Variants in PDE3A observed in about 807,000 individuals in gnomAD.
The protein encoded by PDE3A is phosphodiesterase 3A.
Under a neutral mutation model 98.3 loss-of-function variants are expected in PDE3A, and 43 were observed. The ratio of observed to expected loss-of-function variants is 0.44; its 90% CI spans 0.34 to 0.56. The LOEUF is 0.56. Among genes scored for constraint, PDE3A ranks in the 20% least tolerant of loss-of-function variants. The pLI, the probability that PDE3A is intolerant of heterozygous loss-of-function variation, is 0.01. For synonymous variants in PDE3A, 663 were observed against 567.9 expected (o/e 1.17, Z -2.38); for missense variants, 1,427 against 1,440.7 (o/e 0.99, Z 0.15).
At chr12:20,510,681 T>G (rs1946204785) in intron 1 of PDE3A, among the ~76,000 whole-genome samples, 1 of 152,060 alleles carries the variant, frequency 6.6e-6, no homozygotes, top group Non-Finnish European at 1.5e-5. Flanking sequence ...GGGGTAGAGA[T>G]GAATGCTGTT....
At position 20,423,154 on chromosome 12, in the gene PDE3A, G is replaced by A. The variant is rs190281501; in HGVS notation, c.960+52910G>A. On this transcript the variant is annotated intron_variant, in intron 1 of 15. Coordinates refer to ENST00000359062, the MANE Select transcript of PDE3A (RefSeq NM_000921.5). ...ATATATTTATATAAAACATTTTAATGAAGAATACCTATTTATAAAATATCC... is the reference window on the plus strand; with the variant it reads ...ATATATTTATATAAAACATTTTAATAAAGAATACCTATTTATAAAATATCC... 7.4e-4 allele frequency among the ~76,000 whole-genome samples: 112 copies of A among 152,194 alleles called. 1 individual carries two copies. Among genetic ancestry groups the A allele is most frequent in the Admixed American group, 5.9e-4 (9 of 15,282 alleles).
At chr12:20,448,642 T>TTACC in intron 1 of PDE3A, among the ~76,000 whole-genome samples, 1 of 152,172 alleles carries the variant, frequency 6.6e-6, no homozygotes, top group South Asian at 2.1e-4. Context: ...ATGCAGGCAC[T>TTACC]TACCTACGTA....
At chr12:20,561,042 C>CCTGAGGTCAGGAGTTTGAGACCAG (rs145831292) in intron 2 of PDE3A, among the ~76,000 whole-genome samples, 16,139 of 151,770 alleles carry the variant, frequency 0.11, 1,642 homozygotes, top group African/African-American at 0.27. Flanking sequence ...GCAGGTGGCA[C>CCTGAGGTCAGGAGTTTGAGACCAG]CTGAGGTCAG....
chr12:20,577,148 A>T (rs1371786549), intron 2 of PDE3A, among the ~76,000 whole-genome samples: 1 of 152,138 alleles, frequency 6.6e-6, no homozygotes, highest in Non-Finnish European at 1.5e-5. Flanking sequence ...CAAACAAGGA[A>T]TTACAGAAGA....
intron 1 of PDE3A, among the ~76,000 whole-genome samples, chr12:20,457,428 T>C (rs1945171509): frequency 6.6e-6 from 1 of 151,836 alleles, no homozygotes; most frequent in East Asian, 1.9e-4. Flanking sequence ...GTATATGAAA[T>C]AAAATTTATA....
chr12:20,551,985 G>C (rs1942218500), intron 1 of PDE3A: 1 of 1,612,714 alleles, frequency 6.2e-7, no homozygotes. Context: ...TCCATGGCCG[G>C]AGCAACGACG....
chr12:20,451,309 T>C lies in PDE3A; in HGVS notation c.960+81065T>C, dbSNP rs1038997667. Among the ~76,000 whole-genome samples, 20 of 152,250 alleles carry C rather than the reference T, an allele frequency of 1.3e-4. 1 individual carries two copies. The highest frequency in any genetic ancestry group is 4.1e-4 in the African/African-American group (17 of 41,470). ...TTTTTTTCGAGGTGGAGTCTTGCTCTGTCTACCAGGCTGGAGTGCAGTGCT... is the reference window on the plus strand; with the variant it reads ...TTTTTTTCGAGGTGGAGTCTTGCTCCGTCTACCAGGCTGGAGTGCAGTGCT... On this transcript the variant is annotated intron_variant, in intron 1 of 15. Transcript: ENST00000359062.
intron 1 of PDE3A, among the ~76,000 whole-genome samples, chr12:20,533,581 C>T (rs991696115): frequency 1.3e-5 from 2 of 151,274 alleles, no homozygotes; most frequent in Admixed American, 1.3e-4. Context: ...TCCCGGGTTC[C>T]CGCCATTCTC....
At chr12:20,665,229 G>A (rs935144914) in intron 15 of PDE3A, among the ~76,000 whole-genome samples, 3 of 152,124 alleles carry the variant, frequency 2.0e-5, no homozygotes. Context: ...CTGTCAGAGG[G>A]TCACTAGAAC....
At chr12:20,517,736 A>C (rs745946157) in intron 1 of PDE3A, among the ~76,000 whole-genome samples, 1 of 152,216 alleles carries the variant, frequency 6.6e-6, no homozygotes, top group Non-Finnish European at 1.5e-5. Context: ...AGGCTCAGTC[A>C]GTAGGTCAGG....
chr12:20,410,980 G>T (rs1308529228), intron 1 of PDE3A, among the ~76,000 whole-genome samples: 1 of 152,104 alleles, frequency 6.6e-6, no homozygotes, highest in Non-Finnish European at 1.5e-5. Flanking sequence ...CACAATTCAT[G>T]CTCTTCTGCC....
Position 20,681,038 on chromosome 12 carries a change from T to C in PDE3A, c.*767T>C, listed in dbSNP as rs1945769123. ...CTGGAGTGTCTTTGGGAGGCAGCCA[T>C]TCCAAATGCCCTCCTCCATTTAGCT... On this transcript the variant is annotated 3_prime_UTR_variant, in exon 16 of 16. Coordinates refer to ENST00000359062, the MANE Select transcript of PDE3A (RefSeq NM_000921.5). The C allele has an allele frequency of 6.6e-6, 1 of 152,116 alleles. No individual in the cohort carries two copies. The highest frequency in any genetic ancestry group is 2.4e-5 in the African/African-American group (1 of 41,398). 9.4% of individuals were successfully genotyped at this position (152,116 alleles called of 1,614,324 possible). A position where few individuals can be genotyped will look rare whatever the true frequency, so the allele number is the denominator to read the frequency against.
chr12:20,658,604 A>C (rs1042147011), intron 15 of PDE3A, among the ~76,000 whole-genome samples: 2 of 152,306 alleles, frequency 1.3e-5, no homozygotes, highest in Non-Finnish European at 2.9e-5. Context: ...GGAGGATGTT[A>C]TGTGAGCATT....
chr12:20,465,355 G>A (rs975593345), intron 1 of PDE3A, among the ~76,000 whole-genome samples: 5 of 152,024 alleles, frequency 3.3e-5, no homozygotes, highest in South Asian at 2.1e-4. Context: ...AAGTACTTAC[G>A]TGTGTTAGAA....
intron 1 of PDE3A, among the ~76,000 whole-genome samples, chr12:20,469,467 C>T (rs377114247): frequency 2.0e-5 from 3 of 152,326 alleles, no homozygotes; most frequent in African/African-American, 4.8e-5. Context: ...TCTTTCTAGC[C>T]TCCCACTCTC....
chr12:20,384,471 C>T (rs1457314093), intron 1 of PDE3A, among the ~76,000 whole-genome samples: 4 of 151,802 alleles, frequency 2.6e-5, no homozygotes, highest in Non-Finnish European at 5.9e-5. Context: ...ACATGCTCTT[C>T]CTTTTAAAGA....
chr12:20,538,692 C>G (rs1405846156), intron 1 of PDE3A, among the ~76,000 whole-genome samples: 1 of 152,144 alleles, frequency 6.6e-6, no homozygotes, highest in East Asian at 1.9e-4. Flanking sequence ...GTGTATTCAA[C>G]AGTAGAATTT....
chr12:20,680,518 G>A lies in PDE3A; in HGVS notation c.*247G>A, dbSNP rs982747226. 9 of 442,012 alleles carry A rather than the reference G, an allele frequency of 2.0e-5. No individual in the cohort carries two copies. The highest frequency in any genetic ancestry group is 2.0e-5 in the African/African-American group (1 of 50,546). The allele number at this position is 442,012 out of a possible 1,614,324, so 27.4% of individuals were successfully genotyped here. Reference sequence around the variant, plus strand: ...GATTTTTTAAGGAGGGAATATATATGTGTGTGTGTATATAAGCTCCCACAT... The same window carrying A: ...GATTTTTTAAGGAGGGAATATATATATGTGTGTGTATATAAGCTCCCACAT... On this transcript the variant is annotated 3_prime_UTR_variant, in exon 16 of 16. Transcript: ENST00000359062.
chr12:20,400,665 G>A lies in PDE3A; in HGVS notation c.960+30421G>A, dbSNP rs189663287. Among the ~76,000 whole-genome samples, 995 of 152,130 alleles carry A rather than the reference G, an allele frequency of 6.5e-3. 11 individuals are homozygous for A. Among genetic ancestry groups the A allele is most frequent in the African/African-American group, 0.022 (924 of 41,488 alleles). On this transcript the variant is annotated intron_variant, in intron 1 of 15. Transcript: ENST00000359062. ...GATCTCCTGACCTCGTGATCCGCCC[G>A]CCTCGGCCTCCCAAATTGCTGGGAT...
Sources: gnomAD v4.1 joint callset for allele counts (sites outside exome capture counted in the v4.1 genomes callset) on GRCh38, gnomAD v4.1.1 for gene constraint, MANE v1.5 for transcripts, NCBI Gene and HGNC (gene_info 2026-07-23, HGNC 2026-07-21) for gene names.